Variants in STARD13 observed in about 807,000 individuals in gnomAD.
STARD13 encodes stAR-related lipid transfer protein 13.
In STARD13, 62 loss-of-function variants were observed where a neutral mutation model predicts 106.4. The ratio of observed to expected loss-of-function variants is 0.58; its 90% CI spans 0.48 to 0.72. The LOEUF (loss-of-function observed/expected upper bound fraction) is 0.72. Ranked by LOEUF, STARD13 falls within the 30% of genes least tolerant of loss-of-function variation. The pLI, the probability that STARD13 is intolerant of heterozygous loss-of-function variation, is 0.00. For synonymous variants in STARD13, 565 were observed against 553.0 expected (o/e 1.02, Z -0.31); for missense variants, 1,387 against 1,424.0 (o/e 0.97, Z 0.42).
chr13:33,297,835 T>C (rs1892556480), intron 1 of STARD13, among the ~76,000 whole-genome samples: 1 of 152,162 alleles, frequency 6.6e-6, no homozygotes, highest in Admixed American at 6.5e-5. Flanking sequence ...ATTGCAGATA[T>C]AAGACAGACA....
At chr13:33,131,917 G>A (rs757232553) in intron 4 of STARD13, among the ~76,000 whole-genome samples, 2 of 152,182 alleles carry the variant, frequency 1.3e-5, no homozygotes, top group Non-Finnish European at 2.9e-5. Flanking sequence ...TCACTGAGAG[G>A]TATTTGCTTA....
At chr13:33,558,399 A>T in the STARD13 span, among the ~76,000 whole-genome samples, 26 of 152,338 alleles carry the variant, frequency 1.7e-4, no homozygotes, top group East Asian at 5.0e-3. Flanking sequence ...AATAAAATTT[A>T]AAAATAATAT....
chr13:33,135,791 C>G (rs549651767), intron 4 of STARD13, among the ~76,000 whole-genome samples: 5 of 152,300 alleles, frequency 3.3e-5, no homozygotes, highest in Admixed American at 6.5e-5. Context: ...ATCAATCCCA[C>G]TTAACTTAGA....
chr13:33,614,871 G>T, the STARD13 span, among the ~76,000 whole-genome samples: 1 of 152,116 alleles, frequency 6.6e-6, no homozygotes, highest in Non-Finnish European at 1.5e-5. Flanking sequence ...TAGGATTCTC[G>T]TTAGGCAGGC....
chr13:33,612,056 C>T, the STARD13 span, among the ~76,000 whole-genome samples: 1 of 152,200 alleles, frequency 6.6e-6, no homozygotes, highest in Admixed American at 6.5e-5. Flanking sequence ...AACCCATAGG[C>T]ATTGATCAAT....
At chr13:33,606,323 G>T in the STARD13 span, among the ~76,000 whole-genome samples, 1 of 151,896 alleles carries the variant, frequency 6.6e-6, no homozygotes, top group South Asian at 2.1e-4. Context: ...AAGAAAAAAT[G>T]CAATAATAAT....
chr13:33,192,619 T>C (rs757677822), intron 1 of STARD13, among the ~76,000 whole-genome samples: 3 of 152,098 alleles, frequency 2.0e-5, no homozygotes, highest in Non-Finnish European at 4.4e-5. Flanking sequence ...CCATTCCCAG[T>C]GGGACGCAGT....
chr13:33,547,717 A>C, the STARD13 span, among the ~76,000 whole-genome samples: 2 of 152,242 alleles, frequency 1.3e-5, no homozygotes, highest in African/African-American at 2.4e-5. Context: ...TTTTAAGACT[A>C]TATCACAGTG....
chr13:33,543,080 G>A, the STARD13 span, among the ~76,000 whole-genome samples: 2 of 152,338 alleles, frequency 1.3e-5, no homozygotes, highest in South Asian at 4.1e-4. Context: ...AAGTCCAGAA[G>A]AAACGGCGTC....
the STARD13 span, among the ~76,000 whole-genome samples, chr13:33,408,554 T>C: frequency 6.6e-6 from 1 of 152,208 alleles, no homozygotes; most frequent in Non-Finnish European, 1.5e-5. Context: ...CATTTGTCTA[T>C]GGGTGGATGC....
chr13:33,239,003 A>G (rs1252025609), intron 1 of STARD13, among the ~76,000 whole-genome samples: 5 of 152,102 alleles, frequency 3.3e-5, no homozygotes, highest in South Asian at 4.2e-4. Flanking sequence ...CTGAAATTCT[A>G]TATCAATTAA....
intron 1 of STARD13, among the ~76,000 whole-genome samples, chr13:33,242,067 C>T (rs1210758766): frequency 2.0e-5 from 3 of 151,992 alleles, no homozygotes; most frequent in Admixed American, 6.6e-5. Flanking sequence ...GCGCCTCTGC[C>T]TGGCCGCAAC....
At chr13:33,632,545 T>C in the STARD13 span, among the ~76,000 whole-genome samples, 1 of 152,202 alleles carries the variant, frequency 6.6e-6, no homozygotes, top group South Asian at 2.1e-4. Flanking sequence ...AAAGTATCCC[T>C]TAAGTTCAGA....
chr13:33,644,141 G>T, the STARD13 span, among the ~76,000 whole-genome samples: 1 of 152,224 alleles, frequency 6.6e-6, no homozygotes, highest in East Asian at 1.9e-4. Context: ...CCACCCATGT[G>T]CAAAACAAGG....
At chr13:33,462,924 C>A in the STARD13 span, among the ~76,000 whole-genome samples, 104 of 152,312 alleles carry the variant, frequency 6.8e-4, no homozygotes, top group African/African-American at 2.3e-3. Context: ...CAAGTTGACA[C>A]CGGATCACTC....
the STARD13 span, chr13:33,519,930 GT>G: frequency 6.6e-6 from 1 of 152,154 alleles, no homozygotes; most frequent in African/African-American, 2.4e-5. Flanking sequence ...GTTCAAATGT[GT>G]TTTTAAGAGC....
At chr13:33,211,746 A>G (rs1887728793) in intron 1 of STARD13, among the ~76,000 whole-genome samples, 1 of 151,926 alleles carries the variant, frequency 6.6e-6, no homozygotes, top group Admixed American at 6.6e-5. Flanking sequence ...AAAATAACAT[A>G]TTTTTCAATT....
the STARD13 span, among the ~76,000 whole-genome samples, chr13:33,478,537 C>T: frequency 6.6e-6 from 1 of 152,022 alleles, no homozygotes; most frequent in Non-Finnish European, 1.5e-5. Flanking sequence ...TTTAATAAAA[C>T]TGATGTTACT....
intron 1 of STARD13, among the ~76,000 whole-genome samples, chr13:33,195,470 C>T (rs954123409): frequency 1.3e-5 from 2 of 152,186 alleles, no homozygotes; most frequent in Non-Finnish European, 2.9e-5. Context: ...CTTGTATTCT[C>T]ACTATCAGTA....
Sources: allele counts gnomAD v4.1 joint callset (sites outside exome capture counted in the v4.1 genomes callset), GRCh38; gene constraint gnomAD v4.1.1; transcripts MANE v1.5; gene names NCBI Gene and HGNC (gene_info 2026-07-23, HGNC 2026-07-21).